The following NKD1 variants were observed in gnomAD, a reference collection of about 807,000 sequenced individuals.
NKD1 encodes the protein NKD inhibitor of Wnt signaling pathway 1.
A neutral mutation model predicts 56.0 loss-of-function variants in NKD1; 21 were observed. The observed-to-expected ratio is 0.38, with a 90% confidence interval of 0.27 to 0.54. NKD1 has a LOEUF of 0.54. Ranked by LOEUF, NKD1 falls within the 20% of genes least tolerant of loss-of-function variation. The pLI, the probability that NKD1 is intolerant of heterozygous loss-of-function variation, is 0.82. For missense variants in NKD1, 578 were observed against 642.7 expected (o/e 0.90, Z 1.09); for synonymous variants, 263 against 265.7 (o/e 0.99, Z 0.10).
Position 50,560,629 on chromosome 16 carries a change from GT to G in NKD1, c.192+11089del, listed in dbSNP as rs768360893. ...AGCCATCTTAAATCAGTTTAGGCGA[GT>G]TTTTTTTTTTTTTTCAACTGTATGT... On this transcript the variant is annotated intron_variant, in intron 3 of 9. Coordinates refer to ENST00000268459, the MANE Select transcript of NKD1 (RefSeq NM_033119.5). 2.6e-3 allele frequency among the ~76,000 whole-genome samples: 360 copies of G among 137,646 alleles called. 4 individuals are homozygous for G. The highest frequency in any genetic ancestry group is 9.2e-3 in the East Asian group (43 of 4,664). The allele number at this position is 137,646 out of a possible 152,430, so 90.3% of individuals were successfully genotyped here.
In NKD1 at chr16:50,632,528, G is replaced by GC; in HGVS notation, c.823+120_823+121insC. 2 of 952,976 alleles carry GC rather than the reference G, an allele frequency of 2.1e-6. No individual in the cohort carries two copies. The highest frequency in any genetic ancestry group is 3.2e-6 in the Non-Finnish European group (2 of 619,882). The allele number at this position is 952,976 out of a possible 1,614,324, so 59.0% of individuals were successfully genotyped here. On this transcript the variant is annotated intron_variant, in intron 9 of 9. Transcript: ENST00000268459. This position sits in a 1 kb window ranked among gnomAD's most constrained non-coding sequence, Gnocchi z 4.1. Reference sequence around the variant, plus strand: ...GGCTTCGGTAAGACAACTATTATGGGACAGGTCAAAGACTTCTTGGAGAAA... The same window carrying GC: ...GGCTTCGGTAAGACAACTATTATGGGCACAGGTCAAAGACTTCTTGGAGAAA...
At chr16:50,585,911 C>A (rs1486776127) in intron 3 of NKD1, among the ~76,000 whole-genome samples, 1 of 152,210 alleles carries the variant, frequency 6.6e-6, no homozygotes, top group Non-Finnish European at 1.5e-5. Context: ...GTAAAGCACC[C>A]TCTTCACAAG....
chr16:50,597,940 G>A (rs1037974492), intron 3 of NKD1, among the ~76,000 whole-genome samples: 8 of 152,278 alleles, frequency 5.3e-5, no homozygotes, highest in South Asian at 2.1e-4. Context: ...GTGGGAAGTC[G>A]AAATCCACAG....
intron 3 of NKD1, among the ~76,000 whole-genome samples, chr16:50,579,370 G>A (rs189868632): frequency 1.1e-4 from 16 of 141,366 alleles, no homozygotes; most frequent in Admixed American, 2.1e-4. Flanking sequence ...CGGGCTACCC[G>A]CTACACACGC....
At chr16:50,597,701 G>A (rs774035224) in intron 3 of NKD1, among the ~76,000 whole-genome samples, 1 of 152,128 alleles carries the variant, frequency 6.6e-6, no homozygotes, top group Non-Finnish European at 1.5e-5. Context: ...TTCCCAAATG[G>A]CCCCTCTCAC....
chr16:50,568,597 C>T (rs1960815649), intron 3 of NKD1, among the ~76,000 whole-genome samples: 1 of 152,160 alleles, frequency 6.6e-6, no homozygotes, highest in African/African-American at 2.4e-5. Flanking sequence ...ATTCCTGAAT[C>T]TACTCATCCC....
At chr16:50,631,476 C>T (rs1962344310) in intron 8 of NKD1, among the ~76,000 whole-genome samples, 1 of 152,102 alleles carries the variant, frequency 6.6e-6, no homozygotes, top group South Asian at 2.1e-4. Context: ...CTGTGTTAAC[C>T]TCTAGTGTGC....
intron 7 of NKD1, 87 bp downstream of exon 7, chr16:50,630,420 C>G: frequency 6.8e-7 from 1 of 1,463,802 alleles, no homozygotes; most frequent in East Asian, 2.3e-5. Flanking sequence ...GGAAGGGAAC[C>G]TGTGGGCTTT....
At chr16:50,614,767 G>A (rs1336976937) in intron 4 of NKD1, among the ~76,000 whole-genome samples, 2 of 152,200 alleles carry the variant, frequency 1.3e-5, no homozygotes, top group African/African-American at 4.8e-5. Flanking sequence ...GGCAAAGGAT[G>A]TCAGAATGGT....
chr16:50,605,669 T>C (rs1961690822), intron 3 of NKD1, among the ~76,000 whole-genome samples: 1 of 152,236 alleles, frequency 6.6e-6, no homozygotes, highest in Non-Finnish European at 1.5e-5. Flanking sequence ...ATTTAAAGTA[T>C]AGGGCAGGAT....
At chr16:50,583,483 ACAG>A (rs769248990) in intron 3 of NKD1, among the ~76,000 whole-genome samples, 15 of 152,164 alleles carry the variant, frequency 9.9e-5, no homozygotes, top group Non-Finnish European at 1.8e-4. Flanking sequence ...ACTCCTGATG[ACAG>A]CAGCCCCAGC....
At chr16:50,595,737 T>G (rs1961458471) in intron 3 of NKD1, among the ~76,000 whole-genome samples, 1 of 152,064 alleles carries the variant, frequency 6.6e-6, no homozygotes. Flanking sequence ...ATGAAGACCT[T>G]CTTATCCCCA....
At chr16:50,614,355 C>T (rs1961914927) in intron 4 of NKD1, among the ~76,000 whole-genome samples, 1 of 152,096 alleles carries the variant, frequency 6.6e-6, no homozygotes, top group South Asian at 2.1e-4. Context: ...ATGTCATGGA[C>T]ACATGCACGC....
chr16:50,605,529 T>C (rs989367857), intron 3 of NKD1, among the ~76,000 whole-genome samples: 1 of 152,158 alleles, frequency 6.6e-6, no homozygotes, highest in African/African-American at 2.4e-5. Context: ...TAGAAAATAT[T>C]TGGAAACAAA....
intron 4 of NKD1, among the ~76,000 whole-genome samples, chr16:50,611,343 C>T (rs554803170): frequency 1.3e-4 from 17 of 128,272 alleles, no homozygotes; most frequent in African/African-American, 7.5e-4. Flanking sequence ...CTCCACTCTC[C>T]GGCATCTTTA....
chr16:50,625,659 A>G (rs1374195090), intron 6 of NKD1, 79 bp downstream of exon 6: 9 of 878,070 alleles, frequency 1.0e-5, no homozygotes, highest in Non-Finnish European at 9.4e-6. Context: ...TGCCACTGCC[A>G]CTTCTCTCCC....
At chr16:50,628,209 T>C (rs180772328) in intron 6 of NKD1, among the ~76,000 whole-genome samples, 2 of 152,326 alleles carry the variant, frequency 1.3e-5, no homozygotes, top group Admixed American at 1.3e-4. Context: ...ATTTTGAAGA[T>C]TTAACAGAAG....
At position 50,564,773 on chromosome 16, in the gene NKD1, A is replaced by G. The variant is rs528884048; in HGVS notation, c.192+15218A>G. On this transcript the variant is annotated intron_variant, in intron 3 of 9. Coordinates refer to ENST00000268459, the MANE Select transcript of NKD1 (RefSeq NM_033119.5). Reference sequence around the variant, plus strand: ...TCTTTGAAGAGAGCCTCTGCCCTTCAGAAAGGGTCCTCACCTTTTTCCTTT... The same window carrying G: ...TCTTTGAAGAGAGCCTCTGCCCTTCGGAAAGGGTCCTCACCTTTTTCCTTT... Among the ~76,000 whole-genome samples the G allele has an allele frequency of 3.3e-5, 5 of 152,292 alleles. No individual in the cohort carries two copies. The East Asian group carries it at 9.6e-4, about 29-fold the overall frequency.
intron 4 of NKD1, among the ~76,000 whole-genome samples, chr16:50,620,697 G>A (rs1240034409): frequency 1.6e-4 from 24 of 152,320 alleles, no homozygotes; most frequent in Admixed American, 1.4e-3. Flanking sequence ...GACTAAAGGA[G>A]GCTTATGGGA....
Sources: gnomAD v4.1 joint callset for allele counts (sites outside exome capture counted in the v4.1 genomes callset) on GRCh38, gnomAD v4.1.1 for gene constraint, Gnocchi (gnomAD v3.1) non-coding constraint, MANE v1.5 for transcripts, NCBI Gene and HGNC (gene_info 2026-07-23, HGNC 2026-07-21) for gene names.